Variants in ATP11C observed in about 807,000 individuals in gnomAD.
The protein encoded by ATP11C is phospholipid-transporting ATPase IG.
Under a neutral mutation model 97.4 loss-of-function variants are expected in ATP11C, and 36 were observed. The ratio of observed to expected loss-of-function variants is 0.37; its 90% confidence interval spans 0.28 to 0.49. ATP11C has a LOEUF of 0.49. ATP11C is among the 20% of genes least tolerant of loss of function. The pLI is 0.98. For synonymous variants in ATP11C, 275 were observed against 290.9 expected (o/e 0.95, Z 0.56); for missense variants, 730 against 824.6 (o/e 0.89, Z 1.40).
chrX:139,891,006 T>C (rs1294163418), intron 1 of ATP11C, among the ~76,000 whole-genome samples: 4 of 110,468 alleles, frequency 3.6e-5, no homozygotes, highest in African/African-American at 9.9e-5. Flanking sequence ...AAGAACCTGA[T>C]AGAAAATAGC....
At chrX:139,852,602 G>A (rs1211280018) in intron 1 of ATP11C, among the ~76,000 whole-genome samples, 1 of 107,876 alleles carries the variant, frequency 9.3e-6, no homozygotes, top group Non-Finnish European at 1.9e-5. Flanking sequence ...AAATTCTGGA[G>A]GGCTAAATAT....
intron 1 of ATP11C, among the ~76,000 whole-genome samples, chrX:139,910,818 C>T (rs1244952825): frequency 3.7e-5 from 4 of 108,086 alleles, no homozygotes; most frequent in African/African-American, 1.3e-4. Flanking sequence ...GTTACAGATA[C>T]ATGATAAAAA....
intron 16 of ATP11C, 107 bp downstream of exon 16, chrX:139,785,119 C>G (rs776666823): frequency 1.4e-4 from 78 of 566,205 alleles, no homozygotes; most frequent in Non-Finnish European, 1.6e-4. Flanking sequence ...ATGACTTTCA[C>G]TAATCCTACA....
intron 22 of ATP11C, among the ~76,000 whole-genome samples, chrX:139,759,559 G>A (rs1010633033): frequency 2.7e-5 from 3 of 111,253 alleles, no homozygotes; most frequent in Non-Finnish European, 5.7e-5. Flanking sequence ...TATGTAAGGA[G>A]GATTAAATGG....
intron 1 of ATP11C, among the ~76,000 whole-genome samples, chrX:139,860,104 CA>C (rs1245214221): frequency 2.8e-3 from 57 of 20,384 alleles, no homozygotes; most frequent in Non-Finnish European, 3.3e-3. Context: ...GACTCCGTCT[CA>C]AAAAAAAAAA....
chrX:139,795,184 T>G (rs1190580033), intron 12 of ATP11C, among the ~76,000 whole-genome samples: 1 of 111,002 alleles, frequency 9.0e-6, no homozygotes, highest in Non-Finnish European at 1.9e-5. Context: ...CTATTCTTAG[T>G]GCCTTGGTAT....
intron 3 of ATP11C, among the ~76,000 whole-genome samples, chrX:139,818,858 G>C (rs957486403): frequency 1.8e-5 from 2 of 112,293 alleles, no homozygotes; most frequent in Non-Finnish European, 3.8e-5. Flanking sequence ...CAAAACAGTA[G>C]AAAGAATACA....
At chrX:139,729,120 A>G (rs964190257) in intron 29 of ATP11C, among the ~76,000 whole-genome samples, 158 bp from the exon 30 acceptor site, 1 of 111,976 alleles carries the variant, frequency 8.9e-6, no homozygotes, top group Non-Finnish European at 1.9e-5. Context: ...GGAAAAAAAG[A>G]GTGACACTAT....
At chrX:139,782,169 A>G (rs1317658791) in intron 18 of ATP11C, among the ~76,000 whole-genome samples, 1 of 109,292 alleles carries the variant, frequency 9.1e-6, no homozygotes, top group East Asian at 2.9e-4. Context: ...TACTAAAAAT[A>G]CAAAAAAATT....
chrX:139,839,418 A>G (rs2083794645), intron 1 of ATP11C, among the ~76,000 whole-genome samples: 2 of 112,342 alleles, frequency 1.8e-5, no homozygotes, highest in African/African-American at 6.5e-5. Flanking sequence ...CCCTTGCCTA[A>G]TAGTGGGTCA....
At chrX:139,905,208 T>A (rs891173650) in intron 1 of ATP11C, among the ~76,000 whole-genome samples, 7 of 112,281 alleles carry the variant, frequency 6.2e-5, no homozygotes, top group Admixed American at 2.8e-4. Flanking sequence ...AGGAAAACAA[T>A]GGATTTTATC....
chrX:139,780,761 G>A (rs759674081), intron 18 of ATP11C, among the ~76,000 whole-genome samples: 1 of 111,848 alleles, frequency 8.9e-6, no homozygotes, highest in South Asian at 3.7e-4. Context: ...AAGTAAAATC[G>A]TGTCCTTTGC....
intron 1 of ATP11C, among the ~76,000 whole-genome samples, chrX:139,830,568 T>C (rs2083625334): frequency 8.9e-6 from 1 of 111,813 alleles, no homozygotes; most frequent in Non-Finnish European, 1.9e-5. Flanking sequence ...GCAAAGCTAC[T>C]TGGATTATCA....
In ATP11C at chrX:139,869,953, G is replaced by C. The variant is rs140059630; in HGVS notation, c.28-43130C>G. On this transcript the variant is annotated intron_variant, in intron 1 of 29. Transcript: ENST00000682941. ...TGAATACCATTTGGTCTTAAAAAAG[G>C]AAATCCTCCCATTGTGACATGAATG... 1.1e-3 allele frequency among the ~76,000 whole-genome samples: 118 copies of C among 106,451 alleles called. No individual in the cohort carries two copies. In the East Asian group the frequency reaches 0.027, roughly 25 times the overall value. 92.4% of individuals were successfully genotyped at this position (106,451 alleles called of 115,157 possible).
At chrX:139,912,387 G>A (rs1329202332) in intron 1 of ATP11C, among the ~76,000 whole-genome samples, 2 of 110,606 alleles carry the variant, frequency 1.8e-5, no homozygotes, top group African/African-American at 6.6e-5. Context: ...GTAGTACATA[G>A]GTAGAATTGT....
At chrX:139,843,706 T>A (rs1038646616) in intron 1 of ATP11C, among the ~76,000 whole-genome samples, 1 of 111,695 alleles carries the variant, frequency 9.0e-6, no homozygotes, top group Admixed American at 9.5e-5. Flanking sequence ...ATTAGTTATG[T>A]AACCTGGGGC....
At chrX:139,879,518 G>A (rs1379037217) in intron 1 of ATP11C, among the ~76,000 whole-genome samples, 1 of 111,234 alleles carries the variant, frequency 9.0e-6, no homozygotes, top group African/African-American at 3.3e-5. Flanking sequence ...ATAAGGGGGT[G>A]AGATAGGAAA....
At chrX:139,843,530 G>A (rs2083865300) in intron 1 of ATP11C, among the ~76,000 whole-genome samples, 1 of 111,757 alleles carries the variant, frequency 8.9e-6, no homozygotes. Context: ...AAAAATCAGA[G>A]GTACTCCAAT....
At chrX:139,877,803 C>T (rs781280723) in intron 1 of ATP11C, among the ~76,000 whole-genome samples, 1 of 112,214 alleles carries the variant, frequency 8.9e-6, no homozygotes, top group Non-Finnish European at 1.9e-5. Context: ...GGGTGGATCG[C>T]TTGGGGCCAG....
Sources: allele counts gnomAD v4.1 joint callset (sites outside exome capture counted in the v4.1 genomes callset), GRCh38; gene constraint gnomAD v4.1.1; transcripts MANE v1.5; gene names NCBI Gene and HGNC (gene_info 2026-07-23, HGNC 2026-07-21).